SV2C: variants seen among roughly 807,000 people sequenced by gnomAD.
SV2C encodes the protein solute carrier family 22 member B3.
A neutral mutation model predicts 79.7 loss-of-function variants in SV2C; 49 were observed. That is an observed-to-expected ratio of 0.61 (90% confidence interval 0.49 to 0.78). The LOEUF is 0.78. Ranked by LOEUF, SV2C falls within the 30% of genes least tolerant of loss-of-function variation. SV2C has a pLI of 0.00. For missense variants in SV2C, 833 were observed against 912.9 expected (o/e 0.91, Z 1.13); for synonymous variants, 334 against 333.2 (o/e 1.00, Z -0.03).
At chr5:76,300,984 G>C (rs771635902) in intron 11 of SV2C, 52 bp downstream of exon 11, 11 of 1,596,820 alleles carry the variant, frequency 6.9e-6, no homozygotes, top group Non-Finnish European at 9.4e-6. Context: ...CAATCCAGAG[G>C]GACCCTGTTT....
chr5:75,873,961 A>G, the SV2C span, among the ~76,000 whole-genome samples: 1 of 152,150 alleles, frequency 6.6e-6, no homozygotes, highest in Non-Finnish European at 1.5e-5. Context: ...TTCACAGCCG[A>G]ATTCTACCAG....
chr5:75,963,520 CT>C, the SV2C span, among the ~76,000 whole-genome samples: 1 of 152,046 alleles, frequency 6.6e-6, no homozygotes, highest in Non-Finnish European at 1.5e-5. Context: ...TCATTTGGGT[CT>C]GATTCTTCTT....
intron 4 of SV2C, among the ~76,000 whole-genome samples, chr5:76,220,742 T>A (rs1196099087): frequency 3.9e-5 from 6 of 152,100 alleles, no homozygotes; most frequent in Admixed American, 3.9e-4. Context: ...AGTCCGGGGC[T>A]GGTGTAGTAG....
the SV2C span, among the ~76,000 whole-genome samples, chr5:75,994,942 T>A: frequency 6.6e-6 from 1 of 152,168 alleles, no homozygotes; most frequent in Non-Finnish European, 1.5e-5. Context: ...ATCAATGGTG[T>A]AGCTGACCTG....
chr5:76,234,663 C>G lies in SV2C; in HGVS notation c.913+24776C>G, dbSNP rs77185227. Among the ~76,000 whole-genome samples, 57 of 152,276 alleles carry G rather than the reference C, an allele frequency of 3.7e-4. No homozygotes were observed. The East Asian group carries it at 8.3e-3, about 22-fold the overall frequency. On this transcript the variant is annotated intron_variant, in intron 4 of 12. Coordinates refer to ENST00000502798, the MANE Select transcript of SV2C (RefSeq NM_014979.4). ...CGTCCTTAAAAACAAGCATTCTGGCCCTTTGCAAGAGCATTATAAATCATG... is the reference window on the plus strand; with the variant it reads ...CGTCCTTAAAAACAAGCATTCTGGCGCTTTGCAAGAGCATTATAAATCATG...
chr5:75,874,744 G>A, the SV2C span, among the ~76,000 whole-genome samples: 5 of 152,168 alleles, frequency 3.3e-5, no homozygotes, highest in East Asian at 9.6e-4. Flanking sequence ...AAAATCACTA[G>A]TGTTCCCATA....
chr5:76,232,208 A>T (rs1458095020), intron 4 of SV2C, among the ~76,000 whole-genome samples: 1 of 145,112 alleles, frequency 6.9e-6, no homozygotes, highest in Non-Finnish European at 1.5e-5. Context: ...GCATTTTTTC[A>T]TGTGTTTTTT....
At chr5:75,890,456 C>T in the SV2C span, among the ~76,000 whole-genome samples, 22 of 152,164 alleles carry the variant, frequency 1.4e-4, no homozygotes, top group African/African-American at 5.1e-4. Context: ...GTGGTGCTTA[C>T]CTGCATACAA....
chr5:75,866,466 G>A, the SV2C span, among the ~76,000 whole-genome samples: 4 of 152,116 alleles, frequency 2.6e-5, no homozygotes, highest in South Asian at 4.1e-4. Context: ...TTTTATCAAC[G>A]AGGAAACTGA....
At chr5:76,135,726 T>C (rs1258022572) in intron 2 of SV2C, among the ~76,000 whole-genome samples, 1 of 152,208 alleles carries the variant, frequency 6.6e-6, no homozygotes, top group Non-Finnish European at 1.5e-5. Flanking sequence ...GGCAGGCTTT[T>C]CCAGGACATC....
the SV2C span, among the ~76,000 whole-genome samples, chr5:75,954,013 T>G: frequency 6.6e-6 from 1 of 151,944 alleles, no homozygotes. Flanking sequence ...ATTCTCAGGA[T>G]AGGATTCTGT....
At chr5:76,032,145 G>C in the SV2C span, among the ~76,000 whole-genome samples, 2 of 152,092 alleles carry the variant, frequency 1.3e-5, no homozygotes, top group Non-Finnish European at 2.9e-5. Flanking sequence ...TCAAAGAACA[G>C]AGTTACTTTA....
At position 76,325,503 on chromosome 5, in the gene SV2C, G is replaced by A. The variant is rs766432727; in HGVS notation, c.2140G>A (p.Val714Ile). ...TACTGTGCTCGTGTGTGGAGGACTC[G>A]TTGGGCTGTGCCTGCCTGACACACG... Reference protein sequence around the residue: ...ASTVLVCGGLVGLCLPDTRTQ... With the variant: ...ASTVLVCGGLIGLCLPDTRTQ... Residue 714 changes from valine to isoleucine, a missense_variant, in exon 13 of 13, where the codon GTT (valine) becomes ATT (isoleucine). Physicochemically the swap from Val to Ile is conservative, Grantham distance 29. Transcript: ENST00000502798. The A allele has an allele frequency of 2.3e-5, 37 of 1,614,024 alleles. No homozygotes were observed. Among genetic ancestry groups the A allele is most frequent in the African/African-American group, 5.3e-5 (4 of 74,896 alleles).
At chr5:76,158,439 T>C (rs1582534) in intron 2 of SV2C, among the ~76,000 whole-genome samples, 83,831 of 151,082 alleles carry the variant, frequency 0.55, 24,863 homozygotes, top group East Asian at 0.97. Flanking sequence ...AAAAAAAAGT[T>C]ACCAAAGGTA....
chr5:75,866,772 G>C, the SV2C span, among the ~76,000 whole-genome samples: 113 of 152,286 alleles, frequency 7.4e-4, 1 homozygote, highest in East Asian at 4.1e-3. Flanking sequence ...AAGCAGTAAG[G>C]CTCCAAGATA....
intron 2 of SV2C, among the ~76,000 whole-genome samples, chr5:76,145,649 A>T (rs935358490): frequency 2.6e-5 from 4 of 152,108 alleles, no homozygotes; most frequent in African/African-American, 9.7e-5. Flanking sequence ...CAAAGAGGAG[A>T]CAGAATCGAC....
chr5:76,205,691 G>A (rs1200492991), intron 3 of SV2C, among the ~76,000 whole-genome samples: 1 of 152,172 alleles, frequency 6.6e-6, no homozygotes, highest in Non-Finnish European at 1.5e-5. Context: ...ATCAGTTAAT[G>A]TAAAAGATAT....
At chr5:76,241,966 ATAG>A in intron 4 of SV2C, 1 of 841,068 alleles carries the variant, frequency 1.2e-6, no homozygotes, top group Non-Finnish European at 2.0e-6. Flanking sequence ...TTGATAAAAA[ATAG>A]TATTTCAAAC....
intron 4 of SV2C, among the ~76,000 whole-genome samples, chr5:76,233,078 A>G (rs1195044947): frequency 1.4e-5 from 2 of 141,552 alleles, no homozygotes; most frequent in Non-Finnish European, 2.9e-5. Context: ...TGAGCATGGA[A>G]TGTTCTTCCA....
Sources: allele counts gnomAD v4.1 joint callset (sites outside exome capture counted in the v4.1 genomes callset), GRCh38; gene constraint gnomAD v4.1.1; transcripts MANE v1.5; gene names NCBI Gene and HGNC (gene_info 2026-07-23, HGNC 2026-07-21).